DHX32: variants seen among roughly 807,000 people sequenced by gnomAD.
DHX32 encodes the protein putative pre-mRNA-splicing factor ATP-dependent RNA helicase DHX32.
In DHX32, 51 loss-of-function variants were observed where a neutral mutation model predicts 70.0. That is an observed-to-expected ratio of 0.73 (90% confidence interval 0.58 to 0.92). DHX32 has a LOEUF of 0.92. Ranked by LOEUF, DHX32 falls within the 40% of genes least tolerant of loss-of-function variation. The probability of loss-of-function intolerance (pLI) is 0.00; values close to 1 mark genes in which losing one functional copy is unlikely to be tolerated. For synonymous variants in DHX32, 310 were observed against 315.3 expected (o/e 0.98, Z 0.18); for missense variants, 762 against 891.8 (o/e 0.85, Z 1.85).
intron 1 of DHX32, among the ~76,000 whole-genome samples, chr10:125,890,153 G>A (rs1322621170): frequency 5.9e-4 from 88 of 149,504 alleles, no homozygotes; most frequent in Middle Eastern, 3.5e-3. Context: ...AGAGAGGTCT[G>A]GAAGAAATAC....
chr10:125,886,481 T>C (rs1311920591), intron 1 of DHX32, among the ~76,000 whole-genome samples: 3 of 152,216 alleles, frequency 2.0e-5, no homozygotes, highest in African/African-American at 7.2e-5. Context: ...CCTTCATTAT[T>C]TCACTCTTAG....
chr10:125,858,068 T>C (rs1189077025), intron 3 of DHX32, among the ~76,000 whole-genome samples: 2 of 151,834 alleles, frequency 1.3e-5, no homozygotes, highest in Non-Finnish European at 2.9e-5. Context: ...CCTGGCTAAT[T>C]TTTTAATTTT....
At chr10:125,862,617 C>T (rs980028293) in intron 2 of DHX32, among the ~76,000 whole-genome samples, 2 of 152,124 alleles carry the variant, frequency 1.3e-5, no homozygotes, top group Admixed American at 1.3e-4. Flanking sequence ...AAGATGCTAA[C>T]TTATTAAAAA....
intron 6 of DHX32, among the ~76,000 whole-genome samples, chr10:125,845,194 T>C (rs1024860997): frequency 1.3e-5 from 2 of 152,186 alleles, no homozygotes; most frequent in South Asian, 2.1e-4. Context: ...CATGTTCTTA[T>C]AGTGTTCTTA....
In DHX32 at chr10:125,852,357, C is replaced by G; in HGVS notation, c.1287G>C (p.Met429Ile). 1 of 1,614,168 alleles carries G rather than the reference C, an allele frequency of 6.2e-7. No individual in the cohort carries two copies. Among genetic ancestry groups the G allele is most frequent in the Non-Finnish European group, 8.5e-7 (1 of 1,180,028 alleles). Residue 429 changes from methionine to isoleucine, a missense_variant, in exon 6 of 11, where the codon ATG becomes ATC. Transcript: ENST00000284690. ...AEMQEANLTSMVLFMKRIDIA... is the reference protein window; with the variant it reads ...AEMQEANLTSIVLFMKRIDIA... ...TGTCTATCCTCTTCATAAAAAGCAC[C>G]ATGCTTGTTAGGTTGGCTTCCTGCA...
intron 6 of DHX32, 133 bp from the exon 7 acceptor site, chr10:125,842,067 C>G: frequency 2.6e-6 from 3 of 1,173,118 alleles, no homozygotes; most frequent in Non-Finnish European, 3.4e-6. Context: ...TTGCAAGCCA[C>G]CAAATACCAG....
chr10:125,838,502 G>A lies in DHX32; in HGVS notation c.1882-115C>T, dbSNP rs1181449471. ...TTTATACGGGATAGTTAAAACTAACGTTTGCCACTCATGTTTCCTACTTTC... is the reference window on the plus strand; with the variant it reads ...TTTATACGGGATAGTTAAAACTAACATTTGCCACTCATGTTTCCTACTTTC... On this transcript the variant is annotated intron_variant, in intron 9 of 10. Coordinates refer to ENST00000284690, the MANE Select transcript of DHX32 (RefSeq NM_018180.3). 9 of 970,996 alleles carry A rather than the reference G, an allele frequency of 9.3e-6. No homozygotes were observed. In the African/African-American group the frequency reaches 1.0e-4, roughly 11 times the overall value. The allele number at this position is 970,996 out of a possible 1,614,324, so 60.1% of individuals were successfully genotyped here.
Position 125,853,885 on chromosome 10 carries a change from G to A in DHX32, c.1092+76C>T, listed in dbSNP as rs1365899027. 8 of 1,533,290 alleles carry A rather than the reference G, an allele frequency of 5.2e-6. No homozygotes were observed. The Admixed American group carries it at 7.8e-5, about 15-fold the overall frequency. The allele number at this position is 1,533,290 out of a possible 1,614,324, so 95.0% of individuals were successfully genotyped here. A position where few individuals can be genotyped will look rare whatever the true frequency, so the allele number is the denominator to read the frequency against. Reference sequence around the variant, plus strand: ...ATAGTTCATCCTCACTTCCTGATCAGTAAAATGGTAGGAAACTGAGAAACT... The same window carrying A: ...ATAGTTCATCCTCACTTCCTGATCAATAAAATGGTAGGAAACTGAGAAACT... On this transcript the variant is annotated intron_variant, in intron 4 of 10. Coordinates refer to ENST00000284690, the MANE Select transcript of DHX32 (RefSeq NM_018180.3).
At chr10:125,844,057 C>G (rs1481948170) in intron 6 of DHX32, among the ~76,000 whole-genome samples, 4 of 152,202 alleles carry the variant, frequency 2.6e-5, no homozygotes, top group African/African-American at 9.6e-5. Context: ...TACCGTCTTA[C>G]TTGTTCATTC....
chr10:125,838,473 G>T, intron 9 of DHX32, 86 bp from the exon 10 acceptor site: 1 of 1,263,670 alleles, frequency 7.9e-7, no homozygotes, highest in Non-Finnish European at 1.1e-6. Flanking sequence ...AAATACCAAA[G>T]TATTTTATAC....
chr10:125,873,936 C>G (rs1944269776), intron 1 of DHX32, among the ~76,000 whole-genome samples: 1 of 152,174 alleles, frequency 6.6e-6, no homozygotes, highest in Non-Finnish European at 1.5e-5. Context: ...TTTTTCATAT[C>G]TTTTCATATC....
intron 4 of DHX32, 33 bp from the exon 5 acceptor site, chr10:125,852,675 G>T (rs1316665617): frequency 6.4e-7 from 1 of 1,563,240 alleles, no homozygotes; most frequent in African/African-American, 1.4e-5. Context: ...ATTAGCGTCA[G>T]ATAAGTCATG....
intron 3 of DHX32, among the ~76,000 whole-genome samples, chr10:125,859,045 G>GTTTT (rs71029270): frequency 1.4e-5 from 2 of 141,714 alleles, no homozygotes; most frequent in East Asian, 2.1e-4. Context: ...TTGTTTGTTT[G>GTTTT]TTTTTTTTTT....
chr10:125,877,269 G>C (rs146568119), intron 1 of DHX32, among the ~76,000 whole-genome samples: 1 of 152,088 alleles, frequency 6.6e-6, no homozygotes, highest in Non-Finnish European at 1.5e-5. Context: ...AACTGAAATC[G>C]TTTGTTATAA....
intron 6 of DHX32, among the ~76,000 whole-genome samples, chr10:125,850,522 T>C (rs542281797): frequency 1.3e-5 from 2 of 152,118 alleles, no homozygotes; most frequent in East Asian, 3.9e-4. Flanking sequence ...CATGCCCGGC[T>C]AATTTTGTTT....
rs5001626 is a variant in DHX32, at chr10:125,890,938, C to T, written c.-248+5280G>A. Among the ~76,000 whole-genome samples, 39 of 151,900 alleles carry T rather than the reference C, an allele frequency of 2.6e-4. No individual in the cohort carries two copies. The South Asian group carries it at 5.8e-3, about 23-fold the overall frequency. On this transcript the variant is annotated intron_variant, in intron 1 of 2. Transcript: ENST00000415732. Reference sequence around the variant, plus strand: ...AATAGAGGTCACTTAATAGAGACCCCGTCTCTATTAAAAAAACATATTTTT... The same window carrying T: ...AATAGAGGTCACTTAATAGAGACCCTGTCTCTATTAAAAAAACATATTTTT...
rs182575602 is a variant in DHX32 at position 125,852,774 on chromosome 10, C to T, written c.1093-132G>A. 31 of 783,794 alleles carry T rather than the reference C, an allele frequency of 4.0e-5. No homozygotes were observed. In the East Asian group the frequency reaches 4.3e-4, roughly 11 times the overall value. 48.6% of individuals were successfully genotyped at this position (783,794 alleles called of 1,614,324 possible). On this transcript the variant is annotated intron_variant, in intron 4 of 10. Transcript: ENST00000284690. Reference sequence around the variant, plus strand: ...CTGCCACAGACTCATTTTCTTTGCACGATATTTATTATTGTTTCACTTGCC... The same window carrying T: ...CTGCCACAGACTCATTTTCTTTGCATGATATTTATTATTGTTTCACTTGCC...
At position 125,839,134 on chromosome 10, in the gene DHX32, A is replaced by G. The variant is rs144835764; in HGVS notation, c.1748T>C (p.Met583Thr). ...DYFLNCSALR[M>T]ADVIRAELLE... is the part of the protein sequence containing the mutation. ...GAGTTCAGCTCGAATAACATCTGCCATTCTGAGTGCTGAACAGTTGAGGAA... is the reference window on the plus strand; with the variant it reads ...GAGTTCAGCTCGAATAACATCTGCCGTTCTGAGTGCTGAACAGTTGAGGAA... Residue 583 changes from methionine to threonine, a missense_variant, in exon 9 of 11, where the codon ATG (methionine) becomes ACG (threonine). This residue lies in a region of DHX32 where 366 missense variants were observed against 402.6 expected (regional missense o/e 0.91). Coordinates refer to ENST00000284690, the MANE Select transcript of DHX32 (RefSeq NM_018180.3). The G allele has an allele frequency of 6.2e-7, 1 of 1,614,246 alleles. No individual in the cohort carries two copies. The highest frequency in any genetic ancestry group is 8.5e-7 in the Non-Finnish European group (1 of 1,180,040).
At chr10:125,840,107 T>C (rs1170730842) in intron 8 of DHX32, among the ~76,000 whole-genome samples, 1 of 152,220 alleles carries the variant, frequency 6.6e-6, no homozygotes, top group African/African-American at 2.4e-5. Context: ...TAAAAGATGC[T>C]TCATGGAAAA....
Sources: allele counts gnomAD v4.1 joint callset (sites outside exome capture counted in the v4.1 genomes callset), GRCh38; gene constraint gnomAD v4.1.1; regional missense constraint gnomAD v4.1.1; transcripts MANE v1.5; gene names NCBI Gene and HGNC (gene_info 2026-07-23, HGNC 2026-07-21).